The following BCOR variants were observed in gnomAD, a reference collection of about 807,000 sequenced individuals.
BCOR encodes BCL6 corepressor, also known as BCL-6 corepressor.
Under a neutral mutation model 86.7 loss-of-function variants are expected in BCOR, and 10 were observed. The ratio of observed to expected loss-of-function variants is 0.12; its 90% CI spans 0.07 to 0.20. The LOEUF (loss-of-function observed/expected upper bound fraction) is 0.20. BCOR is among the 10% of genes least tolerant of loss of function. BCOR has a pLI of 1.00. For synonymous variants in BCOR, 611 were observed against 609.0 expected, an observed-to-expected ratio of 1.00 and a Z score of -0.05; for missense variants, 1,259 against 1,452.1, an observed-to-expected ratio of 0.87 and a Z score of 2.16.
chrX:40,051,807 C>G lies in BCOR; in HGVS notation c.*302G>C, dbSNP rs1262676162. ...GTCAAAGTGTGGAGCTCCTTTTACTCATTTTTTTTTCTCCTTAAAAAAGAA... is the reference window on the plus strand; with the variant it reads ...GTCAAAGTGTGGAGCTCCTTTTACTGATTTTTTTTTCTCCTTAAAAAAGAA... On this transcript the variant is annotated 3_prime_UTR_variant, in exon 15 of 15. Coordinates refer to ENST00000378444, the MANE Select transcript of BCOR (RefSeq NM_001123385.2). 1 of 219,600 alleles carries G rather than the reference C, an allele frequency of 4.6e-6. No homozygotes were observed. Among genetic ancestry groups the G allele is most frequent in the Non-Finnish European group, 8.1e-6 (1 of 123,535 alleles). 18.1% of individuals were successfully genotyped at this position (219,600 alleles called of 1,213,427 possible). A position where few individuals can be genotyped will look rare whatever the true frequency, so the allele number is the denominator to read the frequency against.
At chrX:40,058,035 A>T (rs1188776055) in intron 10 of BCOR, among the ~76,000 whole-genome samples, 1 of 110,357 alleles carries the variant, frequency 9.1e-6, no homozygotes, top group Non-Finnish European at 1.9e-5. Flanking sequence ...GGCTGAATCA[A>T]TATATTTTCA....
At position 40,172,578 on chromosome X, in the gene BCOR, C is replaced by G. The variant is rs1296325555; in HGVS notation, c.-41+4429G>C. Among the ~76,000 whole-genome samples, 4 of 113,095 alleles carry G rather than the reference C, an allele frequency of 3.5e-5. No homozygotes were observed. The Admixed American group carries it at 3.7e-4, about 10-fold the overall frequency. ...GTGTTTATGTGTCTGCGCGCGCGCC[C>G]TGGCCGGACGGGTGTTGAGGGGAGA... On this transcript the variant is annotated intron_variant, in intron 1 of 14. Transcript: ENST00000342274.
chrX:40,065,231 A>C (rs1935141516), intron 6 of BCOR, among the ~76,000 whole-genome samples: 1 of 112,470 alleles, frequency 8.9e-6, no homozygotes, highest in Non-Finnish European at 1.9e-5. Context: ...GAACCCAGGC[A>C]GACCCAGGCT....
intron 1 of BCOR, among the ~76,000 whole-genome samples, chrX:40,081,817 C>T (rs1300235115): frequency 8.9e-6 from 1 of 112,186 alleles, no homozygotes; most frequent in Non-Finnish European, 1.9e-5. Flanking sequence ...GAGAAGAGGT[C>T]AGATGGGGAG....
chrX:40,077,774 T>G, intron 2 of BCOR, 70 bp downstream of exon 2: 6 of 1,014,416 alleles, frequency 5.9e-6, no homozygotes, highest in Non-Finnish European at 8.4e-6. Context: ...ACGGTGGCTG[T>G]GAGAAGTTGA....
In BCOR at chrX:40,071,116, T is replaced by C. The variant is rs2147176675; in HGVS notation, c.3095A>G (p.Glu1032Gly). 1 of 1,210,509 alleles carries C rather than the reference T, an allele frequency of 8.3e-7. No individual in the cohort carries two copies. Among genetic ancestry groups the C allele is most frequent in the Non-Finnish European group, 1.1e-6 (1 of 894,974 alleles). Residue 1032 changes from glutamate to glycine, a missense_variant, in exon 6 of 15, where the codon GAA becomes GGA. Coordinates refer to ENST00000378444, the MANE Select transcript of BCOR (RefSeq NM_001123385.2). The stretch of plus-strand genomic sequence containing the variant: ...GTCTTTGGTTGCTGGGTGGCCACCT[T>C]CTCTTTCTTTCATCTCCAACTCTGA... ...RFSELEMKEREGGHPATKDSE... is the reference protein window; with the variant it reads ...RFSELEMKERGGGHPATKDSE...
chrX:40,063,989 C>T (rs1326627869), intron 7 of BCOR, 37 bp from the exon 8 acceptor site: 5 of 1,041,421 alleles, frequency 4.8e-6, no homozygotes, highest in South Asian at 2.1e-5. Context: ...TCAAAAAGCC[C>T]CCCGGGGGGG....
intron 2 of BCOR, 35 bp from the exon 3 acceptor site, chrX:40,076,567 T>C: frequency 7.7e-6 from 8 of 1,034,554 alleles, no homozygotes; most frequent in Non-Finnish European, 1.1e-5. Context: ...CATGAAAGCA[T>C]TCCTCACTGA....
chrX:40,118,715 C>T (rs1198710842), intron 1 of BCOR, among the ~76,000 whole-genome samples: 2 of 112,436 alleles, frequency 1.8e-5, no homozygotes, highest in African/African-American at 6.5e-5. Flanking sequence ...CTGTCCTCTG[C>T]CCCACACAAA....
At position 40,139,491 on chromosome X, in the gene BCOR, ATATATATT is replaced by A. The variant is rs1222791148; in HGVS notation, c.-41+37508_-41+37515del. ...TATATATATATATATATATATATAT[ATATATATT>A]TTTTTTTTTTTTTAAGCATCAGCCT... On this transcript the variant is annotated intron_variant, in intron 1 of 14. Transcript: ENST00000342274. 8.5e-4 allele frequency among the ~76,000 whole-genome samples: 7 copies of A among 8,276 alleles called. 2 individuals carry two copies. The highest frequency in any genetic ancestry group is 6.3e-3 in the Admixed American group (3 of 480). The allele number at this position is 8,276 out of a possible 115,157, so 7.2% of individuals were successfully genotyped here. A position where few individuals can be genotyped will look rare whatever the true frequency, so the allele number is the denominator to read the frequency against.
intron 5 of BCOR, among the ~76,000 whole-genome samples, 192 bp downstream of exon 5, chrX:40,071,445 T>C (rs997326462): frequency 1.2e-4 from 13 of 112,120 alleles, no homozygotes; most frequent in African/African-American, 4.2e-4. Context: ...AGACATTCTC[T>C]TTTGAAGGTA....
intron 1 of BCOR, among the ~76,000 whole-genome samples, chrX:40,080,912 G>A (rs1936065060): frequency 9.4e-6 from 1 of 106,929 alleles, no homozygotes; most frequent in Non-Finnish European, 1.9e-5. Flanking sequence ...AAAAGCAAAA[G>A]GGGGGAACAC....
At chrX:40,121,307 T>G (rs1368630879) in intron 1 of BCOR, among the ~76,000 whole-genome samples, 1 of 110,913 alleles carries the variant, frequency 9.0e-6, no homozygotes, top group Non-Finnish European at 1.9e-5. Flanking sequence ...TCCACCCGCT[T>G]CACTTAGTCA....
chrX:40,094,135 C>T (rs1936737319), intron 1 of BCOR, among the ~76,000 whole-genome samples: 2 of 111,440 alleles, frequency 1.8e-5, no homozygotes, highest in African/African-American at 6.5e-5. Context: ...CCACCACGGC[C>T]TTTAAAGGGT....
chrX:40,085,444 A>G (rs999700039), intron 1 of BCOR, among the ~76,000 whole-genome samples: 1 of 111,622 alleles, frequency 9.0e-6, no homozygotes, highest in African/African-American at 3.3e-5. Flanking sequence ...AAAATGGCAC[A>G]CGTCATAAAA....
chrX:40,085,907 C>T (rs1290009038), intron 1 of BCOR, among the ~76,000 whole-genome samples: 4 of 111,714 alleles, frequency 3.6e-5, no homozygotes, highest in Admixed American at 9.5e-5. Flanking sequence ...CCCACCCTGG[C>T]GCCTCTCTGC....
At chrX:40,059,222 C>T (rs1201222713) in intron 10 of BCOR, among the ~76,000 whole-genome samples, 1 of 111,971 alleles carries the variant, frequency 8.9e-6, no homozygotes, top group African/African-American at 3.2e-5. Context: ...CATTGGCCAC[C>T]GTAACACTTC....
chrX:40,079,203 C>T (rs769837669), intron 1 of BCOR, among the ~76,000 whole-genome samples: 18 of 111,963 alleles, frequency 1.6e-4, no homozygotes, highest in African/African-American at 5.9e-4. Flanking sequence ...TTTTTCTCCT[C>T]CCTCACACAC....
chrX:40,164,042 G>A (rs1938468781), intron 1 of BCOR, among the ~76,000 whole-genome samples: 1 of 107,647 alleles, frequency 9.3e-6, no homozygotes, highest in African/African-American at 3.4e-5. Flanking sequence ...AAAAAAAAAA[G>A]GTGATGCAGC....
Sources: gnomAD v4.1 joint callset for allele counts (sites outside exome capture counted in the v4.1 genomes callset) on GRCh38, gnomAD v4.1.1 for gene constraint, MANE v1.5 for transcripts, NCBI Gene and HGNC (gene_info 2026-07-23, HGNC 2026-07-21) for gene names.